The following MSRA variants were observed in gnomAD, a reference collection of about 807,000 sequenced individuals.
MSRA encodes the protein mitochondrial peptide methionine sulfoxide reductase.
MSRA carries 54 observed loss-of-function variants against 31.3 expected under a neutral mutation model. That is an observed-to-expected ratio of 1.73 (90% CI 1.39 to 2.17). The LOEUF is 2.17. Among genes scored for constraint, MSRA ranks in the 30% most tolerant of loss-of-function variants. The probability of loss-of-function intolerance (pLI) is 0.00; values close to 1 mark genes in which losing one functional copy is unlikely to be tolerated. For missense variants in MSRA, 507 were observed against 300.9 expected (o/e 1.69, Z -5.07); for synonymous variants, 169 against 116.5 (o/e 1.45, Z -2.90).
intron 5 of MSRA, among the ~76,000 whole-genome samples, chr8:10,399,818 T>C (rs751737715): frequency 1.7e-4 from 26 of 152,112 alleles, no homozygotes; most frequent in Non-Finnish European, 3.5e-4. Context: ...AGTGCTGTTA[T>C]TGCTGTCACT....
chr8:10,313,384 C>T (rs931558263), intron 4 of MSRA, among the ~76,000 whole-genome samples: 2 of 151,870 alleles, frequency 1.3e-5, no homozygotes, highest in South Asian at 4.2e-4. Flanking sequence ...AAAGAAACTT[C>T]TATTATGTCC....
At chr8:10,179,267 C>G in intron 1 of MSRA, among the ~76,000 whole-genome samples, 1 of 152,140 alleles carries the variant, frequency 6.6e-6, no homozygotes, top group East Asian at 1.9e-4. Context: ...GCTGGAAATA[C>G]TTGGATCTGC....
chr8:10,344,534 A>C (rs1007696751), intron 5 of MSRA, among the ~76,000 whole-genome samples: 1 of 123,064 alleles, frequency 8.1e-6, no homozygotes, highest in African/African-American at 3.2e-5. Context: ...AGATTGCGCC[A>C]CTGACACTCC....
chr8:10,237,533 C>A (rs902432983), intron 2 of MSRA, among the ~76,000 whole-genome samples: 2 of 152,100 alleles, frequency 1.3e-5, no homozygotes, highest in African/African-American at 4.8e-5. Context: ...ATTTGACAAG[C>A]TGATATTAAA....
chr8:10,149,626 G>T (rs190887418), intron 1 of MSRA, among the ~76,000 whole-genome samples: 2 of 152,028 alleles, frequency 1.3e-5, no homozygotes. Context: ...GGTTTTCACT[G>T]TATTAATTGT....
chr8:10,287,863 G>T (rs1800021143), intron 3 of MSRA, among the ~76,000 whole-genome samples: 1 of 152,074 alleles, frequency 6.6e-6, no homozygotes, highest in South Asian at 2.1e-4. Flanking sequence ...CTGTGTCACT[G>T]AACTCTGAGA....
At chr8:10,369,187 G>C (rs1166964548) in intron 5 of MSRA, among the ~76,000 whole-genome samples, 2 of 151,290 alleles carry the variant, frequency 1.3e-5, no homozygotes, top group Non-Finnish European at 2.9e-5. Flanking sequence ...ATTATATTAA[G>C]TATTAAAAAC....
intron 1 of MSRA, among the ~76,000 whole-genome samples, chr8:10,182,342 A>G (rs191844215): frequency 1.0e-3 from 152 of 152,350 alleles, no homozygotes; most frequent in African/African-American, 3.5e-3. Context: ...GATGCATCAC[A>G]TAAACCTAGC....
chr8:10,211,671 G>A (rs770732086), intron 2 of MSRA, among the ~76,000 whole-genome samples: 1 of 152,158 alleles, frequency 6.6e-6, no homozygotes, highest in African/African-American at 2.4e-5. Context: ...GACAAACTGA[G>A]GCACCCAGAG....
In MSRA at chr8:10,201,260, A is replaced by T. The variant is rs1486865263; in HGVS notation, c.143-6573A>T. ...CTTGATACGTCAGTCCAGATCCCTC[A>T]GGAGCATGCGGTATGGGTTGGGTTG... On this transcript the variant is annotated intron_variant, in intron 1 of 5. Coordinates refer to ENST00000317173, the MANE Select transcript of MSRA (RefSeq NM_012331.5). Among the ~76,000 whole-genome samples the T allele has an allele frequency of 3.9e-5, 6 of 152,128 alleles. No homozygotes were observed. The East Asian group carries it at 1.2e-3, about 29-fold the overall frequency.
At chr8:10,346,095 G>C (rs558279097) in intron 5 of MSRA, among the ~76,000 whole-genome samples, 62 of 152,332 alleles carry the variant, frequency 4.1e-4, no homozygotes, top group African/African-American at 1.4e-3. Flanking sequence ...CTCTTGTGCA[G>C]TGTTCCAAAT....
At chr8:10,215,579 A>G (rs1037655341) in intron 2 of MSRA, among the ~76,000 whole-genome samples, 7 of 152,182 alleles carry the variant, frequency 4.6e-5, no homozygotes, top group African/African-American at 1.4e-4. Flanking sequence ...CCCGTAACTC[A>G]GGGATTTTGA....
chr8:10,232,034 G>A (rs1811526159), intron 2 of MSRA, among the ~76,000 whole-genome samples: 1 of 152,234 alleles, frequency 6.6e-6, no homozygotes, highest in Non-Finnish European at 1.5e-5. Flanking sequence ...CGGCACTGGG[G>A]AAAGTGTACA....
At chr8:10,255,226 A>G (rs1335413847) in intron 3 of MSRA, among the ~76,000 whole-genome samples, 2 of 152,238 alleles carry the variant, frequency 1.3e-5, no homozygotes, top group East Asian at 1.9e-4. Context: ...CTCGCTCATC[A>G]CTAGCCCACT....
chr8:10,099,551 A>G (rs1163635392), intron 1 of MSRA, among the ~76,000 whole-genome samples: 1 of 152,262 alleles, frequency 6.6e-6, no homozygotes, highest in South Asian at 2.1e-4. Flanking sequence ...TGGCCACTTA[A>G]TAAGTATTCA....
intron 5 of MSRA, among the ~76,000 whole-genome samples, chr8:10,410,389 C>T (rs755490920): frequency 6.6e-6 from 1 of 152,204 alleles, no homozygotes; most frequent in African/African-American, 2.4e-5. Context: ...CCTTGACGCT[C>T]CTACTTCTTT....
chr8:10,142,958 T>C (rs903982472), intron 1 of MSRA, among the ~76,000 whole-genome samples: 1 of 152,152 alleles, frequency 6.6e-6, no homozygotes, highest in African/African-American at 2.4e-5. Context: ...CACCTTCCTT[T>C]TCCCAGTTCC....
At chr8:10,140,256 C>T (rs1247616715) in intron 1 of MSRA, among the ~76,000 whole-genome samples, 1 of 152,124 alleles carries the variant, frequency 6.6e-6, no homozygotes, top group East Asian at 1.9e-4. Flanking sequence ...CCTCCAGTTA[C>T]AGGGAGGGCA....
At chr8:10,079,494 A>C (rs1369139197) in intron 1 of MSRA, among the ~76,000 whole-genome samples, 1 of 152,150 alleles carries the variant, frequency 6.6e-6, no homozygotes, top group African/African-American at 2.4e-5. Context: ...AATTACAGGA[A>C]CATCGCAGCT....
Sources: allele counts gnomAD v4.1 joint callset (sites outside exome capture counted in the v4.1 genomes callset), GRCh38; gene constraint gnomAD v4.1.1; transcripts MANE v1.5; gene names NCBI Gene and HGNC (gene_info 2026-07-23, HGNC 2026-07-21).